BTD: variants seen among roughly 807,000 people sequenced by gnomAD.
BTD encodes the protein biocytinase.
In BTD, 13 loss-of-function variants were observed where a neutral mutation model predicts 17.7. The ratio of observed to expected loss-of-function variants is 0.74; its 90% CI spans 0.48 to 1.17. The LOEUF is 1.17. Ranked by LOEUF, BTD falls within the 50% of genes most tolerant of loss-of-function variation. BTD has a pLI of 0.00. For synonymous variants in BTD, 240 were observed against 245.2 expected (o/e 0.98, Z 0.20); for missense variants, 674 against 650.4 (o/e 1.04, Z -0.39).
chr3:15,647,989 G>A lies in BTD; in HGVS notation c.*2501G>A, dbSNP rs1199377975. Among the ~76,000 whole-genome samples the A allele has an allele frequency of 1.4e-4, 22 of 152,294 alleles. No homozygotes were observed. The East Asian group carries it at 4.2e-3, about 29-fold the overall frequency. ...CAGGCCTGTCCAGAGCCCCTGCTGAGGGAAACCCACCCAGGCCACTTTTCC... is the reference window on the plus strand; with the variant it reads ...CAGGCCTGTCCAGAGCCCCTGCTGAAGGAAACCCACCCAGGCCACTTTTCC... On this transcript the variant is annotated 3_prime_UTR_variant, in exon 4 of 4. Coordinates refer to ENST00000643237, the MANE Select transcript of BTD (RefSeq NM_001370658.1).
chr3:15,603,959 C>T (rs1371564136), intron 1 of BTD, among the ~76,000 whole-genome samples: 1 of 152,230 alleles, frequency 6.6e-6, no homozygotes. Context: ...CAGGCTACAA[C>T]CCCCTCTCCC....
In BTD at chr3:15,641,922, A is replaced by C; in HGVS notation, c.264A>C (p.Ile88=). The C allele has an allele frequency of 6.2e-7, 1 of 1,611,646 alleles. No homozygotes were observed. Among genetic ancestry groups the C allele is most frequent in the Non-Finnish European group, 8.5e-7 (1 of 1,178,070 alleles). ...TTCATTTTCAGGATGTACAGATTAT[A>C]GTGTTTCCAGAAGATGGCATTCATG... ...MTAAQKDVQI[I]VFPEDGIHGF... is the part of the protein sequence containing the mutation. The change falls in exon 3 of 4, where the codon ATA becomes ATC. Residue 88 remains isoleucine (I), a synonymous_variant. Coordinates refer to ENST00000643237, the MANE Select transcript of BTD (RefSeq NM_001370658.1).
intron 1 of BTD, among the ~76,000 whole-genome samples, chr3:15,634,071 T>C (rs904563640): frequency 1.3e-5 from 2 of 152,148 alleles, no homozygotes; most frequent in Admixed American, 6.5e-5. Context: ...CGGGTTGGGG[T>C]GGGAGAATAC....
chr3:15,644,069 C>T (rs982902234), intron 3 of BTD, among the ~76,000 whole-genome samples: 1 of 151,708 alleles, frequency 6.6e-6, no homozygotes, highest in African/African-American at 2.4e-5. Context: ...GGCGCGATCT[C>T]GGCTCACTGC....
At chr3:15,659,802 C>T (rs2065904885) in intron 3 of BTD, among the ~76,000 whole-genome samples, 1 of 152,176 alleles carries the variant, frequency 6.6e-6, no homozygotes, top group South Asian at 2.1e-4. Flanking sequence ...TCCCTTCAAT[C>T]TCCAACAGTG....
chr3:15,623,097 A>G (rs537463823), intron 1 of BTD, among the ~76,000 whole-genome samples: 5 of 152,356 alleles, frequency 3.3e-5, no homozygotes, highest in East Asian at 1.9e-4. Flanking sequence ...ATCAGATTTC[A>G]TGAGACTTAT....
At chr3:15,601,919 C>T in intron 1 of BTD, 25 bp downstream of exon 1, 1 of 1,612,730 alleles carries the variant, frequency 6.2e-7, no homozygotes, top group Non-Finnish European at 8.5e-7. Context: ...TGGTGCGGCG[C>T]GGAGGGGGTG....
intron 3 of BTD, among the ~76,000 whole-genome samples, chr3:15,699,882 T>C (rs4465929): frequency 0.47 from 71,416 of 152,070 alleles, 19,686 homozygotes; most frequent in Non-Finnish European, 0.6. Context: ...ATCCCATTAC[T>C]GGGTATATAC....
At chr3:15,716,771 GTA>G (rs1172584616), downstream of BTD, among the ~76,000 whole-genome samples, 4 of 152,196 alleles carry the variant, frequency 2.6e-5, no homozygotes, top group Admixed American at 2.6e-4. Context: ...TAACATTTAT[GTA>G]TACATAGCAC....
At chr3:15,612,813 G>A (rs971483533) in intron 1 of BTD, among the ~76,000 whole-genome samples, 1 of 152,042 alleles carries the variant, frequency 6.6e-6, no homozygotes, top group Non-Finnish European at 1.5e-5. Flanking sequence ...AGGAGTCTGA[G>A]CATAGTTTTA....
At chr3:15,611,349 G>A (rs967836804) in intron 1 of BTD, among the ~76,000 whole-genome samples, 1 of 152,278 alleles carries the variant, frequency 6.6e-6, no homozygotes, top group Non-Finnish European at 1.5e-5. Context: ...TACATGCCAA[G>A]AAGTTAGGCC....
intron 3 of BTD, chr3:15,667,646 C>T (rs2066050582): frequency 6.6e-6 from 1 of 152,122 alleles, no homozygotes; most frequent in Non-Finnish European, 1.5e-5. Context: ...GTTCAAATAC[C>T]ATTTGAGACA....
chr3:15,673,767 A>C (rs1044498769), intron 3 of BTD, among the ~76,000 whole-genome samples: 2 of 152,208 alleles, frequency 1.3e-5, no homozygotes, highest in African/African-American at 2.4e-5. Flanking sequence ...AATGAAGATC[A>C]CAATGCATGT....
intron 1 of BTD, among the ~76,000 whole-genome samples, chr3:15,613,678 G>A (rs541437173): frequency 4.0e-5 from 6 of 151,784 alleles, no homozygotes; most frequent in Admixed American, 3.9e-4. Flanking sequence ...TATTTGTGTT[G>A]TGGCAATTTT....
At chr3:15,615,089 C>T (rs2064755468) in intron 1 of BTD, among the ~76,000 whole-genome samples, 1 of 152,088 alleles carries the variant, frequency 6.6e-6, no homozygotes, top group African/African-American at 2.4e-5. Flanking sequence ...GAATTTTGAG[C>T]TCTTGTTTAC....
At chr3:15,631,039 G>C (rs1345668347) in intron 1 of BTD, among the ~76,000 whole-genome samples, 1 of 152,194 alleles carries the variant, frequency 6.6e-6, no homozygotes, top group Non-Finnish European at 1.5e-5. Context: ...TATAAATTAG[G>C]TGAAGATAGA....
intron 3 of BTD, among the ~76,000 whole-genome samples, chr3:15,699,623 CAT>C (rs1200509387): frequency 7.3e-4 from 111 of 152,242 alleles, no homozygotes; most frequent in African/African-American, 2.6e-3. Context: ...AGCCAATAGA[CAT>C]ACAAAAAAAT....
intron 3 of BTD, among the ~76,000 whole-genome samples, chr3:15,673,762 A>T (rs2066620926): frequency 6.6e-6 from 1 of 152,194 alleles, no homozygotes; most frequent in African/African-American, 2.4e-5. Context: ...GCCAGAATGA[A>T]GATCACAATG....
At position 15,685,892 on chromosome 3, in the gene BTD, G is replaced by C. The variant is rs999576619; in HGVS notation, c.400-24168G>C. 1.4e-5 allele frequency: 11 copies of C among 807,974 alleles called. 1 individual carries two copies. The South Asian group carries it at 2.0e-4, about 15-fold the overall frequency. 50.1% of individuals were successfully genotyped at this position (807,974 alleles called of 1,614,324 possible). On this transcript the variant is annotated intron_variant, in intron 3 of 3. Coordinates refer to the BTD transcript ENST00000672141. ...CTAAGATACTGAAAGAAATGGTAAAGACTATTTGACGAACATTTAATGAAG... is the reference window on the plus strand; with the variant it reads ...CTAAGATACTGAAAGAAATGGTAAACACTATTTGACGAACATTTAATGAAG...
Sources: gnomAD v4.1 joint callset for allele counts (sites outside exome capture counted in the v4.1 genomes callset) on GRCh38, gnomAD v4.1.1 for gene constraint, MANE v1.5 for transcripts, NCBI Gene and HGNC (gene_info 2026-07-23, HGNC 2026-07-21) for gene names.